Variants in ROBO2 observed in about 807,000 individuals in gnomAD.
ROBO2 encodes the protein roundabout homolog 2.
A neutral mutation model predicts 160.8 loss-of-function variants in ROBO2; 53 were observed. The ratio of observed to expected loss-of-function variants is 0.33; its 90% confidence interval spans 0.26 to 0.41. The LOEUF (loss-of-function observed/expected upper bound fraction) is 0.41. ROBO2 is among the 10% of genes least tolerant of loss of function. ROBO2 has a pLI of 1.00. For synonymous variants in ROBO2, 664 were observed against 611.7 expected (o/e 1.09, Z -1.26); for missense variants, 1,577 against 1,722.4 (o/e 0.92, Z 1.49).
chr3:76,537,914 C>T lies in ROBO2; in HGVS notation c.110-560100C>T, dbSNP rs185092463. On this transcript the variant is annotated intron_variant, in intron 2 of 26. Transcript: ENST00000487694. The stretch of plus-strand genomic sequence containing the variant: ...CATGGTGGAGAGACCATGAGACTCA[C>T]TGTCCAGGAGAAGAATGTCCCAGGG... 2.8e-4 allele frequency among the ~76,000 whole-genome samples: 42 copies of T among 152,174 alleles called. 2 individuals carry two copies. The highest frequency in any genetic ancestry group is 2.7e-3 in the South Asian group (13 of 4,808).
intron 2 of ROBO2, among the ~76,000 whole-genome samples, chr3:76,357,298 C>A (rs1252642061): frequency 6.6e-6 from 1 of 151,964 alleles, no homozygotes; most frequent in African/African-American, 2.4e-5. Context: ...ACTGAGCACA[C>A]ATGAACACAA....
intron 2 of ROBO2, among the ~76,000 whole-genome samples, chr3:76,177,098 T>C (rs1326681537): frequency 2.0e-5 from 3 of 152,202 alleles, no homozygotes; most frequent in Non-Finnish European, 4.4e-5. Flanking sequence ...TCTGTATTAA[T>C]ACTAGTGTGT....
intron 2 of ROBO2, among the ~76,000 whole-genome samples, chr3:77,390,073 G>C (rs145607968): frequency 3.7e-4 from 57 of 152,274 alleles, no homozygotes; most frequent in African/African-American, 1.4e-3. Flanking sequence ...TATCAGTCTT[G>C]GGCCTGGGTC....
intron 2 of ROBO2, among the ~76,000 whole-genome samples, chr3:76,757,645 G>A (rs2608152): frequency 0.85 from 128,995 of 151,720 alleles, 54,981 homozygotes; most frequent in African/African-American, 0.89. Context: ...GCCAGCTAGA[G>A]CGTTGCTTTG....
intron 2 of ROBO2, among the ~76,000 whole-genome samples, chr3:76,971,424 C>T (rs2149283047): frequency 6.6e-6 from 1 of 152,028 alleles, no homozygotes; most frequent in Middle Eastern, 3.4e-3. Context: ...ACTTATGTAC[C>T]CAGATTTATT....
intron 2 of ROBO2, among the ~76,000 whole-genome samples, chr3:76,291,887 A>G (rs1708820488): frequency 6.6e-6 from 1 of 151,334 alleles, no homozygotes; most frequent in Non-Finnish European, 1.5e-5. Flanking sequence ...GGTGTAGTTG[A>G]TATGATTTTT....
chr3:76,098,775 G>A (rs2069562342), intron 2 of ROBO2, among the ~76,000 whole-genome samples: 2 of 152,088 alleles, frequency 1.3e-5, no homozygotes, highest in African/African-American at 4.8e-5. Context: ...GTGGCCATGA[G>A]TTCATTATTT....
At chr3:77,242,935 AAGAG>A (rs1194477254) in intron 2 of ROBO2, among the ~76,000 whole-genome samples, 1 of 151,276 alleles carries the variant, frequency 6.6e-6, no homozygotes, top group Admixed American at 6.6e-5. Context: ...CAGAAAAGGA[AAGAG>A]AGAGAGAGTG....
chr3:76,765,125 T>C (rs905518601), intron 2 of ROBO2, among the ~76,000 whole-genome samples: 1 of 151,840 alleles, frequency 6.6e-6, no homozygotes, highest in Admixed American at 6.6e-5. Flanking sequence ...TTTTCTTTAA[T>C]AGTTGGATTC....
chr3:76,082,858 A>G (rs893254773), intron 2 of ROBO2, among the ~76,000 whole-genome samples: 1 of 152,110 alleles, frequency 6.6e-6, no homozygotes, highest in Non-Finnish European at 1.5e-5. Flanking sequence ...ATATTTTGTG[A>G]ATAAATCAAT....
intron 17 of ROBO2, among the ~76,000 whole-genome samples, chr3:77,590,055 T>C (rs1280477596): frequency 6.6e-6 from 1 of 152,128 alleles, no homozygotes; most frequent in Non-Finnish European, 1.5e-5. Context: ...TAGTGCAAAA[T>C]GCTAAGTATA....
chr3:77,446,243 T>G (rs561248087), intron 2 of ROBO2, among the ~76,000 whole-genome samples: 1 of 152,124 alleles, frequency 6.6e-6, no homozygotes, highest in African/African-American at 2.4e-5. Flanking sequence ...ATTGTAGACA[T>G]CAAAGCTATA....
chr3:76,133,003 C>T (rs2071287630), intron 2 of ROBO2, among the ~76,000 whole-genome samples: 1 of 152,050 alleles, frequency 6.6e-6, no homozygotes, highest in African/African-American at 2.4e-5. Flanking sequence ...ACGGTCTTGA[C>T]TCATAAAGCC....
At chr3:76,426,981 A>G (rs940052361) in intron 2 of ROBO2, among the ~76,000 whole-genome samples, 2 of 152,270 alleles carry the variant, frequency 1.3e-5, no homozygotes, top group East Asian at 1.9e-4. Flanking sequence ...TAGTGTACCT[A>G]ATTGCTTATT....
At position 76,438,152 on chromosome 3, in the gene ROBO2, T is replaced by A. The variant is rs1053153811; in HGVS notation, c.109+500550T>A. On this transcript the variant is annotated intron_variant, in intron 2 of 26. Coordinates refer to the ROBO2 transcript ENST00000487694. Reference sequence around the variant, plus strand: ...GGCAATATTCATTCTTGAGAAAAAATTTATATTCTCTGGCAAGTACTGAGC... The same window carrying A: ...GGCAATATTCATTCTTGAGAAAAAAATTATATTCTCTGGCAAGTACTGAGC... Among the ~76,000 whole-genome samples the A allele has an allele frequency of 2.0e-5, 3 of 152,020 alleles. No individual in the cohort carries two copies. In the South Asian group the frequency reaches 6.2e-4, roughly 32 times the overall value.
At chr3:76,822,657 T>C (rs2109158245) in intron 2 of ROBO2, among the ~76,000 whole-genome samples, 1 of 151,876 alleles carries the variant, frequency 6.6e-6, no homozygotes, top group East Asian at 1.9e-4. Flanking sequence ...GATGAGACTT[T>C]ACAAATAATA....
chr3:75,915,677 T>C (rs896679159), intron 1 of ROBO2, among the ~76,000 whole-genome samples: 1 of 152,144 alleles, frequency 6.6e-6, no homozygotes, highest in Admixed American at 6.6e-5. Flanking sequence ...AGAGGACTCA[T>C]GTTGAGGTGG....
chr3:76,321,285 G>A (rs1337731119), intron 2 of ROBO2, among the ~76,000 whole-genome samples: 1 of 152,138 alleles, frequency 6.6e-6, no homozygotes. Context: ...GGGAGGCCGA[G>A]GTGGGCGGAT....
chr3:77,506,744 G>A (rs2088589397), intron 5 of ROBO2, among the ~76,000 whole-genome samples: 1 of 151,990 alleles, frequency 6.6e-6, no homozygotes, highest in Non-Finnish European at 1.5e-5. Flanking sequence ...ATCAATCTGG[G>A]CATTGCTCAA....
Sources: gnomAD v4.1 joint callset for allele counts (sites outside exome capture counted in the v4.1 genomes callset) on GRCh38, gnomAD v4.1.1 for gene constraint, MANE v1.5 for transcripts, NCBI Gene and HGNC (gene_info 2026-07-23, HGNC 2026-07-21) for gene names.